The following EYA4 variants were observed in gnomAD, a reference collection of about 807,000 sequenced individuals.
The protein encoded by EYA4 is EYA transcriptional coactivator and phosphatase 4.
Under a neutral mutation model 87.9 loss-of-function variants are expected in EYA4, and 31 were observed. The ratio of observed to expected loss-of-function variants is 0.35; its 90% CI spans 0.27 to 0.48. The LOEUF is 0.48. Among genes scored for constraint, EYA4 ranks in the 20% least tolerant of loss-of-function variants. The probability of loss-of-function intolerance (pLI) is 0.99; values close to 1 mark genes in which losing one functional copy is unlikely to be tolerated. For synonymous variants in EYA4, 263 were observed against 270.6 expected (o/e 0.97, Z 0.28); for missense variants, 678 against 761.4 (o/e 0.89, Z 1.29).
At position 133,263,843 on chromosome 6, in the gene EYA4, A is replaced by C. The variant is rs193115132; in HGVS notation, c.-65-10873A>C. 2.9e-4 allele frequency among the ~76,000 whole-genome samples: 44 copies of C among 152,308 alleles called. 1 individual carries two copies. The highest frequency in any genetic ancestry group is 1.0e-3 in the African/African-American group (43 of 41,562). ...AGAAAGATTCTTGAAAGCCCCACCC[A>C]GGTTGGAAAGGGTCTGTGTCAGAGG... On this transcript the variant is annotated intron_variant, in intron 1 of 19. Coordinates refer to ENST00000355286, the MANE Select transcript of EYA4 (RefSeq NM_004100.5).
rs542906126 is a variant in EYA4 at position 133,446,698 on chromosome 6, C to G, written c.152C>G (p.Ser51Cys). The change falls in exon 4 of 20, where the codon TCC becomes TGC. Residue 51 changes from serine to cysteine, a missense_variant. Physicochemically the swap from Ser to Cys is moderately radical, Grantham distance 112. Transcript: ENST00000355286. Reference sequence around the variant, plus strand: ...GGAGGTGGTGATACTCCAGGTAGCTCCAAACTGGAAAAATCTAATCTCAGC... The same window carrying G: ...GGAGGTGGTGATACTCCAGGTAGCTGCAAACTGGAAAAATCTAATCTCAGC... ...LVGGGDTPGS[S>C]KLEKSNLSST... is the part of the protein sequence containing the mutation. The G allele has an allele frequency of 6.2e-7, 1 of 1,613,874 alleles. No individual in the cohort carries two copies. The highest frequency in any genetic ancestry group is 1.1e-5 in the South Asian group (1 of 91,070).
chr6:133,378,817 G>A (rs988149058), intron 2 of EYA4, among the ~76,000 whole-genome samples: 3 of 151,546 alleles, frequency 2.0e-5, no homozygotes, highest in Admixed American at 6.6e-5. Flanking sequence ...CATGGTGCTT[G>A]GAATTTTCCT....
chr6:133,397,932 A>G (rs2128508130), intron 3 of EYA4, among the ~76,000 whole-genome samples: 1 of 152,216 alleles, frequency 6.6e-6, no homozygotes, highest in East Asian at 1.9e-4. Flanking sequence ...TTCCCACAAC[A>G]TGTGGGAATT....
In EYA4 at chr6:133,515,339, A is replaced by C. The variant is rs1052325082; in HGVS notation, c.1520A>C (p.Lys507Thr). The C allele has an allele frequency of 1.9e-6, 3 of 1,611,804 alleles. No individual in the cohort carries two copies. Among genetic ancestry groups the C allele is most frequent in the Non-Finnish European group, 2.5e-6 (3 of 1,177,844 alleles). The stretch of plus-strand genomic sequence containing the variant: ...GTTGCAGGACTCCTTGGCCCTGCCA[A>C]GAGGGATGCCTGGCTACAGTTAAGG... ...NNVGGLLGPAKRDAWLQLRAE... is the reference protein window; with the variant it reads ...NNVGGLLGPATRDAWLQLRAE... Residue 507 changes from lysine (K) to threonine (T), a missense_variant, in exon 17 of 20, where the codon AAG (lysine) becomes ACG (threonine). Lys to Thr is a moderately conservative substitution (Grantham distance 78). Transcript: ENST00000355286.
chr6:133,482,785 T>G (rs1796328754), intron 12 of EYA4, among the ~76,000 whole-genome samples: 1 of 152,284 alleles, frequency 6.6e-6, no homozygotes, highest in African/African-American at 2.4e-5. Flanking sequence ...TAACTACGAG[T>G]AAATGTATGG....
intron 3 of EYA4, among the ~76,000 whole-genome samples, chr6:133,401,334 G>T (rs752555575): frequency 6.6e-6 from 1 of 152,052 alleles, no homozygotes; most frequent in South Asian, 2.1e-4. Context: ...TGTTCAACAC[G>T]TCAGTAGGGT....
chr6:133,506,209 A>C lies in EYA4; in HGVS notation c.1281+14A>C. 1 of 1,443,226 alleles carries C rather than the reference A, an allele frequency of 6.9e-7. No individual in the cohort carries two copies. Among genetic ancestry groups the C allele is most frequent in the Non-Finnish European group, 9.8e-7 (1 of 1,024,620 alleles). The allele number at this position is 1,443,226 out of a possible 1,614,324, so 89.4% of individuals were successfully genotyped here. ...AATGATTTAGAGGTAAGAATTTTAC[A>C]AGGTACAAATAGTTGTATCCAACAC... On this transcript the variant is annotated intron_variant, in intron 14 of 19. Coordinates refer to ENST00000355286, the MANE Select transcript of EYA4 (RefSeq NM_004100.5).
chr6:133,317,676 T>C (rs1338730528), intron 2 of EYA4, among the ~76,000 whole-genome samples: 1 of 152,256 alleles, frequency 6.6e-6, no homozygotes, highest in Middle Eastern at 3.4e-3. Flanking sequence ...ACAAGTTATG[T>C]CTTCTCTTCA....
At chr6:133,448,040 G>A (rs1025837214) in intron 4 of EYA4, 71 bp from the exon 5 acceptor site, 1 of 1,170,976 alleles carries the variant, frequency 8.5e-7, no homozygotes, top group East Asian at 2.3e-5. Context: ...ACCAGTGCAA[G>A]CATTGAAGAT....
chr6:133,447,180 T>C (rs1162025486), intron 4 of EYA4, among the ~76,000 whole-genome samples: 1 of 152,080 alleles, frequency 6.6e-6, no homozygotes, highest in Non-Finnish European at 1.5e-5. Context: ...TTAAAAGTGC[T>C]TTTTTAAAAA....
At chr6:133,243,952 A>G (rs1292879780) in intron 1 of EYA4, among the ~76,000 whole-genome samples, 1 of 152,180 alleles carries the variant, frequency 6.6e-6, no homozygotes, top group Admixed American at 6.5e-5. Context: ...ATTGTTATAA[A>G]CCGTAAAAAT....
chr6:133,268,431 C>T (rs1562226558), intron 1 of EYA4, among the ~76,000 whole-genome samples: 1 of 152,124 alleles, frequency 6.6e-6, no homozygotes, highest in Non-Finnish European at 1.5e-5. Context: ...TAAGAAGGAA[C>T]ATCAGATTTT....
At chr6:133,442,284 T>C (rs1481411340) in intron 3 of EYA4, among the ~76,000 whole-genome samples, 3 of 152,154 alleles carry the variant, frequency 2.0e-5, no homozygotes, top group African/African-American at 7.2e-5. Context: ...TTTTGTGTTT[T>C]ATTTCCCCAA....
At chr6:133,289,384 A>G (rs1016758916) in intron 2 of EYA4, among the ~76,000 whole-genome samples, 11 of 152,238 alleles carry the variant, frequency 7.2e-5, no homozygotes, top group Non-Finnish European at 1.6e-4. Context: ...TGCAGTAGCC[A>G]TTGTTATAAA....
At chr6:133,307,926 A>G (rs1289587183) in intron 2 of EYA4, among the ~76,000 whole-genome samples, 1 of 151,942 alleles carries the variant, frequency 6.6e-6, no homozygotes, top group Admixed American at 6.6e-5. Context: ...ACCTGATAGG[A>G]GGTGATTGAA....
At chr6:133,449,877 G>A (rs905395594) in intron 5 of EYA4, among the ~76,000 whole-genome samples, 18 of 152,136 alleles carry the variant, frequency 1.2e-4, no homozygotes, top group African/African-American at 3.9e-4. Flanking sequence ...TTAGAAATGT[G>A]TAAACTGGGC....
intron 2 of EYA4, among the ~76,000 whole-genome samples, chr6:133,278,902 CT>C (rs1374059803): frequency 3.9e-5 from 6 of 152,180 alleles, no homozygotes; most frequent in African/African-American, 1.4e-4. Flanking sequence ...ATGAAATGTT[CT>C]TGATAATAGA....
At chr6:133,503,231 C>T (rs1001222966) in intron 13 of EYA4, among the ~76,000 whole-genome samples, 10 of 152,162 alleles carry the variant, frequency 6.6e-5, no homozygotes, top group African/African-American at 2.4e-4. Flanking sequence ...GAGTTACGTA[C>T]TTCAGAAGCA....
intron 16 of EYA4, among the ~76,000 whole-genome samples, chr6:133,514,495 A>G (rs1298688849): frequency 2.6e-5 from 4 of 152,220 alleles, no homozygotes; most frequent in African/African-American, 4.8e-5. Flanking sequence ...ATACGTGAGC[A>G]TCTCTCTATT....
Sources: allele counts gnomAD v4.1 joint callset (sites outside exome capture counted in the v4.1 genomes callset), GRCh38; gene constraint gnomAD v4.1.1; transcripts MANE v1.5; gene names NCBI Gene and HGNC (gene_info 2026-07-23, HGNC 2026-07-21).